TENM3: variants seen among roughly 807,000 people sequenced by gnomAD.
TENM3 encodes the protein teneurin transmembrane protein 3, also known as teneurin-3.
Under a neutral mutation model 255.1 loss-of-function variants are expected in TENM3, and 63 were observed. The ratio of observed to expected loss-of-function variants is 0.25; its 90% CI spans 0.20 to 0.30. The LOEUF is 0.30. Ranked by LOEUF, TENM3 falls within the 10% of genes least tolerant of loss-of-function variation. The pLI, the probability that TENM3 is intolerant of heterozygous loss-of-function variation, is 1.00. For synonymous variants in TENM3, 1,306 were observed against 1,322.3 expected (o/e 0.99, Z 0.27); for missense variants, 2,929 against 3,461.1 (o/e 0.85, Z 3.86).
chr4:181,476,205 G>GTTTTTTTTTTTTT, the TENM3 span, among the ~76,000 whole-genome samples: 1 of 98,016 alleles, frequency 1.0e-5, no homozygotes, highest in African/African-American at 2.9e-5. Context: ...ACATTTTAGG[G>GTTTTTTTTTTTTT]GTTTTTTTTT....
At chr4:181,613,102 C>T in the TENM3 span, among the ~76,000 whole-genome samples, 3 of 152,276 alleles carry the variant, frequency 2.0e-5, no homozygotes, top group South Asian at 4.1e-4. Flanking sequence ...AGAGAATTCA[C>T]GCCTTTGTGA....
chr4:181,628,184 GT>G, the TENM3 span, among the ~76,000 whole-genome samples: 1 of 151,758 alleles, frequency 6.6e-6, no homozygotes, highest in African/African-American at 2.4e-5. Context: ...TGATGGGGTT[GT>G]TTTTTTCTTG....
At chr4:182,488,009 A>G (rs1277484790) in intron 3 of TENM3, among the ~76,000 whole-genome samples, 4 of 152,216 alleles carry the variant, frequency 2.6e-5, no homozygotes, top group Non-Finnish European at 5.9e-5. Context: ...GTAGAGATAA[A>G]CATTTATACA....
chr4:181,668,887 A>G, the TENM3 span, among the ~76,000 whole-genome samples: 12 of 152,192 alleles, frequency 7.9e-5, no homozygotes, highest in African/African-American at 2.9e-4. Flanking sequence ...CAGAAAGTTT[A>G]ACTTAACTTA....
the TENM3 span, among the ~76,000 whole-genome samples, chr4:181,860,536 A>G: frequency 2.0e-5 from 3 of 152,194 alleles, no homozygotes; most frequent in Non-Finnish European, 4.4e-5. Context: ...AGAAATACAC[A>G]TGGTTCTAAA....
chr4:182,323,742 A>G (rs971025536), intron 1 of TENM3, among the ~76,000 whole-genome samples: 1 of 152,102 alleles, frequency 6.6e-6, no homozygotes, highest in African/African-American at 2.4e-5. Context: ...CACTCATAGC[A>G]CTCACCAGCA....
At chr4:181,891,107 G>A in the TENM3 span, among the ~76,000 whole-genome samples, 2 of 152,126 alleles carry the variant, frequency 1.3e-5, no homozygotes, top group African/African-American at 2.4e-5. Flanking sequence ...TTGAAAGTAA[G>A]ATGGATTGTT....
the TENM3 span, among the ~76,000 whole-genome samples, chr4:181,849,930 T>TTCTCTCTCTCTCTCTCTCTCTC: frequency 1.5e-4 from 13 of 84,102 alleles, no homozygotes; most frequent in African/African-American, 4.7e-4. Flanking sequence ...CTCTCTCTCT[T>TTCTCTCTCTCTCTCTCTCTCTC]TCTCTCTCTC....
At chr4:182,094,172 T>G in the TENM3 span, among the ~76,000 whole-genome samples, 1 of 151,508 alleles carries the variant, frequency 6.6e-6, no homozygotes, top group Non-Finnish European at 1.5e-5. Flanking sequence ...GCCATACTCA[T>G]GAACACTACA....
At chr4:181,740,582 A>G in the TENM3 span, among the ~76,000 whole-genome samples, 1 of 152,160 alleles carries the variant, frequency 6.6e-6, no homozygotes, top group Non-Finnish European at 1.5e-5. Flanking sequence ...GAAAAAGCAA[A>G]TGGTGAAAAC....
Position 182,263,440 on chromosome 4 carries a change from C to T in TENM3, c.-76+19964C>T, listed in dbSNP as rs141437714. Among the ~76,000 whole-genome samples, 200 of 152,178 alleles carry T rather than the reference C, an allele frequency of 1.3e-3. 1 individual carries two copies. The highest frequency in any genetic ancestry group is 2.2e-3 in the Non-Finnish European group (151 of 67,988). On this transcript the variant is annotated intron_variant, in intron 1 of 27. Transcript: ENST00000511685. ...GAATCTTAATTCAGGGGGTTAGAGGCCCCTCTCTATAAAGTCCGCCTCTGC... is the reference window on the plus strand; with the variant it reads ...GAATCTTAATTCAGGGGGTTAGAGGTCCCTCTCTATAAAGTCCGCCTCTGC...
At chr4:181,553,590 T>A in the TENM3 span, among the ~76,000 whole-genome samples, 1 of 151,668 alleles carries the variant, frequency 6.6e-6, no homozygotes, top group Non-Finnish European at 1.5e-5. Context: ...TACGGGTGCC[T>A]GCCACCACGC....
the TENM3 span, among the ~76,000 whole-genome samples, chr4:181,631,932 A>G: frequency 0.066 from 10,069 of 152,250 alleles, 447 homozygotes; most frequent in East Asian, 0.15. Context: ...GCAGGAGCTG[A>G]GGAGAAAAGC....
the TENM3 span, among the ~76,000 whole-genome samples, chr4:181,959,602 G>A: frequency 6.6e-6 from 1 of 152,106 alleles, no homozygotes; most frequent in Non-Finnish European, 1.5e-5. Context: ...CCGGCATGCC[G>A]GCACCCCACA....
At chr4:181,663,490 A>G in the TENM3 span, among the ~76,000 whole-genome samples, 12 of 152,298 alleles carry the variant, frequency 7.9e-5, no homozygotes, top group South Asian at 1.5e-3. Context: ...CTCATCAATG[A>G]CCTTATGTAG....
At chr4:181,775,702 G>A in the TENM3 span, among the ~76,000 whole-genome samples, 2 of 152,088 alleles carry the variant, frequency 1.3e-5, no homozygotes, top group Non-Finnish European at 2.9e-5. Flanking sequence ...TCATTTGGAC[G>A]CTTACAAAAT....
At chr4:182,151,025 ATTG>A (rs2149579389) in intron 1 of TENM3, among the ~76,000 whole-genome samples, 1 of 152,206 alleles carries the variant, frequency 6.6e-6, no homozygotes, top group South Asian at 2.1e-4. Context: ...TGTGACTAGA[ATTG>A]TTGACCCCCC....
chr4:181,988,772 C>A, the TENM3 span, among the ~76,000 whole-genome samples: 1 of 151,472 alleles, frequency 6.6e-6, no homozygotes, highest in Non-Finnish European at 1.5e-5. Context: ...TAGTAGATAC[C>A]CAAAAAGGGG....
At chr4:181,512,141 C>A in the TENM3 span, among the ~76,000 whole-genome samples, 1 of 152,144 alleles carries the variant, frequency 6.6e-6, no homozygotes, top group Non-Finnish European at 1.5e-5. Context: ...AGCTCCTGTG[C>A]CACTCTTGAA....
Sources: allele counts gnomAD v4.1 joint callset (sites outside exome capture counted in the v4.1 genomes callset), GRCh38; gene constraint gnomAD v4.1.1; transcripts MANE v1.5; gene names NCBI Gene and HGNC (gene_info 2026-07-23, HGNC 2026-07-21).